The following BIRC6 variants were observed in gnomAD, a reference collection of about 807,000 sequenced individuals.
BIRC6 encodes dual E2 ubiquitin-conjugating enzyme/E3 ubiquitin-protein ligase BIRC6.
In BIRC6, 98 loss-of-function variants were observed where a neutral mutation model predicts 503.3. The ratio of observed to expected loss-of-function variants is 0.19; its 90% CI spans 0.17 to 0.23. BIRC6 has a LOEUF of 0.23. Ranked by LOEUF, BIRC6 falls within the 10% of genes least tolerant of loss-of-function variation. The pLI is 1.00. For synonymous variants in BIRC6, 2,240 were observed against 2,078.7 expected (o/e 1.08, Z -2.11); for missense variants, 5,360 against 5,806.0 (o/e 0.92, Z 2.50).
At chr2:32,504,032 GTTT>G (rs2053512670) in intron 49 of BIRC6, among the ~76,000 whole-genome samples, 1 of 115,272 alleles carries the variant, frequency 8.7e-6, no homozygotes, top group African/African-American at 3.6e-5. Flanking sequence ...GTGGGGGGGT[GTTT>G]GTGTGTGTGT....
At chr2:32,522,437 A>G (rs757002679) in intron 57 of BIRC6, 2 of 152,144 alleles carry the variant, frequency 1.3e-5, no homozygotes, top group Non-Finnish European at 2.9e-5. Context: ...GCAGCTTTTA[A>G]TCTAAGGCAA....
At chr2:32,431,996 G>A (rs1483485242) in intron 12 of BIRC6, among the ~76,000 whole-genome samples, 1 of 152,166 alleles carries the variant, frequency 6.6e-6, no homozygotes, top group Non-Finnish European at 1.5e-5. Context: ...CCTAAGAAAG[G>A]CTTCCATGAT....
chr2:32,609,734 G>A (rs556183934), intron 72 of BIRC6, among the ~76,000 whole-genome samples: 6 of 146,394 alleles, frequency 4.1e-5, no homozygotes, highest in Admixed American at 6.9e-5. Context: ...TGGGCAGCAC[G>A]GTGAGACTCT....
At chr2:32,605,690 T>C (rs552009537) in intron 71 of BIRC6, among the ~76,000 whole-genome samples, 13 of 152,122 alleles carry the variant, frequency 8.5e-5, no homozygotes, top group African/African-American at 3.1e-4. Flanking sequence ...ATACCCCATC[T>C]CTACTAAAAA....
chr2:32,481,899 G>T (rs762022), intron 38 of BIRC6, among the ~76,000 whole-genome samples: 152,374 of 152,374 alleles, frequency 1, 76,187 homozygotes, highest in Non-Finnish European at 1. Flanking sequence ...TTTTCAAAAT[G>T]AAATTGCTAT....
Position 32,380,227 on chromosome 2 carries a change from A to G in BIRC6, c.582A>G (p.Thr194=), listed in dbSNP as rs757563860. ...CAGAGGGTTATGATTTGTTCATCAC[A>G]CAGCTCAAAGATGGTTTAAAAAATA... ...SSTEGYDLFI[T]QLKDGLKNTS... Residue 194 remains threonine, a synonymous_variant, in exon 3 of 74, where the codon ACA becomes ACG. Coordinates refer to ENST00000421745, the MANE Select transcript of BIRC6 (RefSeq NM_016252.4). The G allele has an allele frequency of 5.6e-6, 9 of 1,610,112 alleles. No homozygotes were observed. In the East Asian group the frequency reaches 2.0e-4, roughly 36 times the overall value.
intron 34 of BIRC6, 123 bp downstream of exon 34, chr2:32,476,467 C>CT (rs994354739): frequency 2.2e-4 from 219 of 1,015,776 alleles, no homozygotes; most frequent in South Asian, 2.8e-4. Flanking sequence ...CTACTCTGGA[C>CT]TTTTTTTTGG....
chr2:32,593,880 T>C, intron 66 of BIRC6, 35 bp from the exon 67 acceptor site: 1 of 1,580,286 alleles, frequency 6.3e-7, no homozygotes, highest in East Asian at 2.2e-5. Context: ...AATCTTAATT[T>C]TCCTTGCTTT....
intron 4 of BIRC6, 35 bp from the exon 5 acceptor site, chr2:32,392,004 C>A: frequency 7.4e-7 from 1 of 1,357,142 alleles, no homozygotes; most frequent in South Asian, 1.4e-5. Flanking sequence ...GATTTGATGC[C>A]TAACTTCAAT....
At chr2:32,580,507 T>C (rs1235130675) in intron 66 of BIRC6, among the ~76,000 whole-genome samples, 1 of 152,018 alleles carries the variant, frequency 6.6e-6, no homozygotes. Context: ...TGGAAGGTAG[T>C]GGTGGGAGAT....
At chr2:32,484,789 G>A (rs1473981371) in intron 39 of BIRC6, among the ~76,000 whole-genome samples, 9 of 152,126 alleles carry the variant, frequency 5.9e-5, no homozygotes, top group Non-Finnish European at 1.2e-4. Context: ...TTCAACCCCA[G>A]CCTTTCAAGT....
At chr2:32,419,531 A>C (rs1303933964) in intron 10 of BIRC6, among the ~76,000 whole-genome samples, 1 of 152,200 alleles carries the variant, frequency 6.6e-6, no homozygotes, top group Non-Finnish European at 1.5e-5. Flanking sequence ...TGGTGCAAAT[A>C]CATTTAAAAT....
Position 32,607,579 on chromosome 2 carries a change from G to A in BIRC6, c.14195G>A (p.Arg4732Gln), listed in dbSNP as rs772472693. The change falls in exon 72 of 74, where the codon CGA (arginine) becomes CAA (glutamine). Residue 4732 changes from arginine (R) to glutamine (Q), a missense_variant. Physicochemically the swap from Arg to Gln is conservative, Grantham distance 43. Transcript: ENST00000421745. ...QSSREYDGNIRQATVKWAMLE... is the reference protein window; with the variant it reads ...QSSREYDGNIQQATVKWAMLE... ...TCTCGAGAATATGATGGAAACATTC[G>A]ACAAGCAACAGTTAAGTGGGCAATG... The A allele has an allele frequency of 5.4e-5, 87 of 1,613,650 alleles. No individual in the cohort carries two copies. The highest frequency in any genetic ancestry group is 6.9e-5 in the Non-Finnish European group (81 of 1,179,750).
At chr2:32,510,960 A>G (rs2054325742) in intron 53 of BIRC6, among the ~76,000 whole-genome samples, 2 of 152,312 alleles carry the variant, frequency 1.3e-5, no homozygotes, top group South Asian at 4.1e-4. Context: ...TATCAGAGTC[A>G]TACTGTCTTA....
At chr2:32,489,594 T>A (rs1008829863) in intron 42 of BIRC6, among the ~76,000 whole-genome samples, 2 of 152,120 alleles carry the variant, frequency 1.3e-5, no homozygotes, top group African/African-American at 4.8e-5. Context: ...GGCAGATCCC[T>A]TGAGGGCAGG....
intron 35 of BIRC6, among the ~76,000 whole-genome samples, chr2:32,478,048 G>T (rs1455992567): frequency 6.6e-6 from 1 of 152,040 alleles, no homozygotes; most frequent in African/African-American, 2.4e-5. Flanking sequence ...TTATATTAAA[G>T]AAGGACTTTT....
At chr2:32,582,531 AG>A (rs1379454357) in intron 66 of BIRC6, among the ~76,000 whole-genome samples, 1 of 152,162 alleles carries the variant, frequency 6.6e-6, no homozygotes, top group Non-Finnish European at 1.5e-5. Context: ...TGAGAGGCCG[AG>A]GCAGGTGGAT....
At chr2:32,602,780 G>A in intron 70 of BIRC6, 1 of 426,038 alleles carries the variant, frequency 2.3e-6, no homozygotes, top group Non-Finnish European at 4.1e-6. Context: ...ACATATAATA[G>A]GTGCTGGTCT....
chr2:32,496,871 C>T (rs868299198), intron 45 of BIRC6, among the ~76,000 whole-genome samples: 3 of 152,106 alleles, frequency 2.0e-5, no homozygotes, highest in Non-Finnish European at 4.4e-5. Context: ...GGGTTCCCCT[C>T]CCCCCATCCA....
Sources: gnomAD v4.1 joint callset for allele counts (sites outside exome capture counted in the v4.1 genomes callset) on GRCh38, gnomAD v4.1.1 for gene constraint, MANE v1.5 for transcripts, NCBI Gene and HGNC (gene_info 2026-07-23, HGNC 2026-07-21) for gene names.